SPECC1L: variants seen among roughly 807,000 people sequenced by gnomAD.
SPECC1L encodes sperm antigen with calponin homology and coiled-coil domains 1 like, also known as cytospin-A.
SPECC1L carries 40 observed loss-of-function variants against 116.8 expected under a neutral mutation model. The observed-to-expected ratio is 0.34, with a 90% CI of 0.27 to 0.45. SPECC1L has a LOEUF of 0.45. Among genes scored for constraint, SPECC1L ranks in the 20% least tolerant of loss-of-function variants. The probability of loss-of-function intolerance (pLI) is 1.00; values close to 1 mark genes in which losing one functional copy is unlikely to be tolerated. For synonymous variants in SPECC1L, 504 were observed against 500.6 expected (o/e 1.01, Z -0.09); for missense variants, 1,110 against 1,373.6 (o/e 0.81, Z 3.03).
chr22:24,369,301 A>G lies in SPECC1L; in HGVS notation c.3068A>G (p.Lys1023Arg). Reference protein sequence around the residue: ...KRNALLKWCQKKTEGYQNIDI... With the variant: ...KRNALLKWCQRKTEGYQNIDI... ...AACGCCTTGCTGAAGTGGTGTCAGA[A>G]GAAAACAGAAGGCTATCAGGTAATC... The change falls in exon 14 of 17, where the codon AAG becomes AGG. Residue 1023 changes from lysine to arginine, a missense_variant. Transcript: ENST00000314328. 6.2e-7 allele frequency: 1 copy of G among 1,613,628 alleles called. No individual in the cohort carries two copies. Among genetic ancestry groups the G allele is most frequent in the South Asian group, 1.1e-5 (1 of 91,078 alleles).
In SPECC1L at chr22:24,334,563, T is replaced by A. The variant is rs756585605; in HGVS notation, c.2550T>A (p.Ser850Arg). 1 of 1,614,186 alleles carries A rather than the reference T, an allele frequency of 6.2e-7. No homozygotes were observed. The highest frequency in any genetic ancestry group is 8.5e-7 in the Non-Finnish European group (1 of 1,180,032). Residue 850 changes from serine to arginine, a missense_variant, in exon 9 of 17, where the codon AGT (serine) becomes AGA (arginine). Physicochemically the swap from Ser to Arg is moderately radical, Grantham distance 110. This residue lies in a region of SPECC1L where 575 missense variants were observed against 682.4 expected (regional missense o/e 0.84). Transcript: ENST00000314328. The part of the protein sequence containing the change: ...TVKTLIKSFD[S>R]ASQVPNPAAA... Reference sequence around the variant, plus strand: ...AAACCCTCATCAAGTCCTTTGACAGTGCATCTCAAGGTAATTAATTTCTCC... The same window carrying A: ...AAACCCTCATCAAGTCCTTTGACAGAGCATCTCAAGGTAATTAATTTCTCC...
intron 14 of SPECC1L, among the ~76,000 whole-genome samples, chr22:24,381,652 A>G (rs1312661819): frequency 6.6e-6 from 1 of 152,290 alleles, no homozygotes; most frequent in South Asian, 2.1e-4. Flanking sequence ...TGGGAGGCCG[A>G]GGGAGGCGGA....
chr22:24,341,771 T>C (rs1055244121), intron 10 of SPECC1L, among the ~76,000 whole-genome samples: 2 of 152,226 alleles, frequency 1.3e-5, no homozygotes, highest in Non-Finnish European at 2.9e-5. Flanking sequence ...TGCTTCTGCC[T>C]TGAATGTTCC....
chr22:24,344,945 AGTC>A (rs905527058), intron 10 of SPECC1L, among the ~76,000 whole-genome samples: 4 of 152,222 alleles, frequency 2.6e-5, no homozygotes, highest in Non-Finnish European at 2.9e-5. Flanking sequence ...ATCTTGTAGT[AGTC>A]TTTTAAATTG....
chr22:24,382,531 C>T (rs1312707303), intron 14 of SPECC1L, among the ~76,000 whole-genome samples: 2 of 151,726 alleles, frequency 1.3e-5, no homozygotes, highest in African/African-American at 2.4e-5. Flanking sequence ...GGTGAAACCC[C>T]GTCTCTACTA....
intron 2 of SPECC1L, among the ~76,000 whole-genome samples, chr22:24,285,656 T>G (rs2049029570): frequency 6.6e-6 from 1 of 152,076 alleles, no homozygotes; most frequent in Non-Finnish European, 1.5e-5. Flanking sequence ...TTGTTTTGTT[T>G]TTTTTGAGAC....
chr22:24,410,501 A>G (rs1601370090), intron 14 of SPECC1L, among the ~76,000 whole-genome samples: 1 of 152,182 alleles, frequency 6.6e-6, no homozygotes, highest in African/African-American at 2.4e-5. Flanking sequence ...GGAGCCCTGT[A>G]CTCATCCCAC....
In SPECC1L at chr22:24,347,185, A is replaced by C; in HGVS notation, c.2743+9A>C. ...GGAAATCCCTGTTCAAGGTACGTGT[A>C]ATATGCCATAGCATTTCACCTTTTT... On this transcript the variant is annotated intron_variant, in intron 11 of 16. Transcript: ENST00000314328. 6.3e-7 allele frequency: 1 copy of C among 1,599,568 alleles called. No individual in the cohort carries two copies. Among genetic ancestry groups the C allele is most frequent in the Non-Finnish European group, 8.6e-7 (1 of 1,166,758 alleles).
At chr22:24,347,326 T>G in intron 11 of SPECC1L, 150 bp downstream of exon 11, 1 of 671,866 alleles carries the variant, frequency 1.5e-6, no homozygotes, top group South Asian at 1.7e-5. Flanking sequence ...TAAGTATATC[T>G]AAATTACAAG....
intron 4 of SPECC1L, among the ~76,000 whole-genome samples, chr22:24,320,707 G>T (rs1434399692): frequency 6.6e-6 from 1 of 152,212 alleles, no homozygotes; most frequent in East Asian, 1.9e-4. Flanking sequence ...GTTAGCTATT[G>T]TTATAATTGT....
At chr22:24,382,078 T>C (rs1399048943) in intron 14 of SPECC1L, among the ~76,000 whole-genome samples, 1 of 152,156 alleles carries the variant, frequency 6.6e-6, no homozygotes, top group Non-Finnish European at 1.5e-5. Flanking sequence ...TATAAAAGAA[T>C]ATCAGACCAA....
At chr22:24,272,307 G>A (rs894860970) in intron 1 of SPECC1L, among the ~76,000 whole-genome samples, 12 of 152,320 alleles carry the variant, frequency 7.9e-5, no homozygotes, top group African/African-American at 2.9e-4. Flanking sequence ...GGAGGTTGCA[G>A]TGAGCCGAGT....
intron 8 of SPECC1L, among the ~76,000 whole-genome samples, chr22:24,330,898 A>G (rs1337845459): frequency 2.0e-5 from 3 of 152,224 alleles, no homozygotes; most frequent in African/African-American, 7.2e-5. Flanking sequence ...CAGTGTTGTC[A>G]TAAGGATTAA....
intron 14 of SPECC1L, among the ~76,000 whole-genome samples, chr22:24,377,398 A>G (rs2041992331): frequency 6.6e-6 from 1 of 151,994 alleles, no homozygotes; most frequent in Non-Finnish European, 1.5e-5. Flanking sequence ...AAGTAGCTGG[A>G]TCTACAGGCA....
intron 14 of SPECC1L, 105 bp from the exon 15 acceptor site, chr22:24,411,483 T>C (rs2042696872): frequency 2.9e-6 from 3 of 1,050,768 alleles, no homozygotes; most frequent in Non-Finnish European, 2.9e-6. Context: ...TTTGGTTTTG[T>C]GTTTTGGAGG....
rs1038760078 is a variant in SPECC1L, at chr22:24,392,797, T to C, written c.3088-18791T>C. Among the ~76,000 whole-genome samples, 6 of 152,096 alleles carry C rather than the reference T, an allele frequency of 3.9e-5. No homozygotes were observed. The South Asian group carries it at 1.2e-3, about 31-fold the overall frequency. ...GTTTGGGTGGGGCTTAGTGGGGATA[T>C]CTCATCTCATCTCATCTCCGCTCTA... is the stretch of plus-strand genomic sequence containing the variant. On this transcript the variant is annotated intron_variant, in intron 14 of 16. Coordinates refer to ENST00000314328, the MANE Select transcript of SPECC1L (RefSeq NM_015330.6).
At chr22:24,382,532 G>A (rs1365834623) in intron 14 of SPECC1L, among the ~76,000 whole-genome samples, 6 of 151,784 alleles carry the variant, frequency 4.0e-5, no homozygotes, top group South Asian at 2.1e-4. Flanking sequence ...GTGAAACCCC[G>A]TCTCTACTAA....
chr22:24,323,412 C>T (rs1415096255), intron 5 of SPECC1L, among the ~76,000 whole-genome samples: 2 of 152,156 alleles, frequency 1.3e-5, no homozygotes, highest in African/African-American at 4.8e-5. Context: ...TTCTCAGAGG[C>T]CTGTGATTTA....
Position 24,347,107 on chromosome 22 carries a change from A to C in SPECC1L, c.2674A>C (p.Ile892Leu). The change falls in exon 11 of 17, where the codon ATC becomes CTC. Residue 892 changes from isoleucine (I) to leucine (L), a missense_variant. Physicochemically the swap from Ile to Leu is conservative, Grantham distance 5. Coordinates refer to ENST00000314328, the MANE Select transcript of SPECC1L (RefSeq NM_015330.6). ...PMQRHSISGP[I>L]STSKPLTALS... The stretch of plus-strand genomic sequence containing the variant: ...TCAGAGACATTCCATAAGTGGACCA[A>C]TCTCAACATCCAAACCCCTGACAGC... 6.2e-7 allele frequency: 1 copy of C among 1,614,012 alleles called. No homozygotes were observed. The highest frequency in any genetic ancestry group is 8.5e-7 in the Non-Finnish European group (1 of 1,179,894).
Sources: gnomAD v4.1 joint callset for allele counts (sites outside exome capture counted in the v4.1 genomes callset) on GRCh38, gnomAD v4.1.1 for gene constraint, gnomAD v4.1.1 regional missense constraint, MANE v1.5 for transcripts, NCBI Gene and HGNC (gene_info 2026-07-23, HGNC 2026-07-21) for gene names.